The following NR2F1-AS1 variants were observed in gnomAD, a reference collection of about 807,000 sequenced individuals.
NR2F1-AS1 encodes the protein NR2F1 antisense RNA 1.
intron 4 of NR2F1-AS1, among the ~76,000 whole-genome samples, chr5:93,412,426 C>A (rs1376975952): frequency 2.6e-5 from 4 of 152,182 alleles, no homozygotes; most frequent in Admixed American, 1.3e-4. Context: ...ACTACTGTAA[C>A]CTTCAACCCA....
At chr5:93,578,414 TA>T (rs1366917365) in intron 1 of NR2F1-AS1, among the ~76,000 whole-genome samples, 3 of 151,646 alleles carry the variant, frequency 2.0e-5, no homozygotes, top group East Asian at 3.9e-4. Flanking sequence ...GGAACTACAC[TA>T]AAGATCTAGT....
intron 2 of NR2F1-AS1, among the ~76,000 whole-genome samples, chr5:93,555,671 T>C (rs77540598): frequency 0.021 from 3,180 of 152,296 alleles, 56 homozygotes; most frequent in Non-Finnish European, 0.032. Flanking sequence ...CTTGACCTAA[T>C]GGTATATGGA....
chr5:93,544,575 A>G (rs190047971), intron 4 of NR2F1-AS1, among the ~76,000 whole-genome samples: 4 of 152,318 alleles, frequency 2.6e-5, no homozygotes, highest in Non-Finnish European at 5.9e-5. Flanking sequence ...TAAAGTCTTA[A>G]TCTTAAATAT....
intron 2 of NR2F1-AS1, among the ~76,000 whole-genome samples, chr5:93,561,258 C>CA (rs1460470797): frequency 7.7e-5 from 11 of 143,054 alleles, no homozygotes; most frequent in Admixed American, 1.4e-4. Context: ...ACTCCATCTC[C>CA]AAAAAAAAAA....
intron 4 of NR2F1-AS1, chr5:93,542,284 T>A (rs1230711021): frequency 6.6e-6 from 1 of 151,990 alleles, no homozygotes; most frequent in African/African-American, 2.4e-5. Flanking sequence ...GACCTAAAAA[T>A]TTTTAAATTA....
intron 4 of NR2F1-AS1, among the ~76,000 whole-genome samples, chr5:93,511,294 C>G (rs1339951044): frequency 6.6e-6 from 1 of 152,116 alleles, no homozygotes; most frequent in African/African-American, 2.4e-5. Flanking sequence ...TGCTTCCTGC[C>G]TGCCTGTTTG....
At chr5:93,520,935 T>A (rs1203321791) in intron 4 of NR2F1-AS1, among the ~76,000 whole-genome samples, 1 of 151,144 alleles carries the variant, frequency 6.6e-6, no homozygotes, top group African/African-American at 2.4e-5. Context: ...GATGAGATAA[T>A]ACTTACATTT....
At chr5:93,488,561 C>T (rs1182883016) in intron 4 of NR2F1-AS1, among the ~76,000 whole-genome samples, 1 of 152,140 alleles carries the variant, frequency 6.6e-6, no homozygotes, top group Non-Finnish European at 1.5e-5. Context: ...CCATCTCACG[C>T]CAGTTAGAAT....
intron 4 of NR2F1-AS1, among the ~76,000 whole-genome samples, chr5:93,417,725 C>G (rs1376175902): frequency 6.6e-6 from 1 of 152,224 alleles, no homozygotes; most frequent in Non-Finnish European, 1.5e-5. Context: ...CTTCGCTACT[C>G]ATGCTGCACT....
At chr5:93,479,985 T>A (rs573385662) in intron 4 of NR2F1-AS1, among the ~76,000 whole-genome samples, 1 of 152,008 alleles carries the variant, frequency 6.6e-6, no homozygotes, top group Non-Finnish European at 1.5e-5. Context: ...CCCAGTCTTA[T>A]GAACAGACAA....
intron 4 of NR2F1-AS1, among the ~76,000 whole-genome samples, chr5:93,451,132 T>C (rs918655969): frequency 6.6e-5 from 10 of 152,002 alleles, no homozygotes; most frequent in African/African-American, 2.2e-4. Context: ...CTAGTTAACA[T>C]TTTCAGGAAA....
chr5:93,479,306 C>T (rs575172700), intron 4 of NR2F1-AS1, among the ~76,000 whole-genome samples: 27 of 152,228 alleles, frequency 1.8e-4, no homozygotes, highest in African/African-American at 5.1e-4. Flanking sequence ...GATGGGCTGA[C>T]GCAGCTTCCC....
At chr5:93,476,831 GA>G (rs963973087) in intron 4 of NR2F1-AS1, among the ~76,000 whole-genome samples, 176 of 147,274 alleles carry the variant, frequency 1.2e-3, no homozygotes, top group Middle Eastern at 3.4e-3. Context: ...TTTTGAATTG[GA>G]AAAAAAAAAT....
intron 4 of NR2F1-AS1, among the ~76,000 whole-genome samples, chr5:93,474,449 T>G (rs1750437656): frequency 6.6e-6 from 1 of 152,164 alleles, no homozygotes; most frequent in Non-Finnish European, 1.5e-5. Context: ...AATGTCTTAG[T>G]CCATTCAGGC....
chr5:93,581,310 G>A (rs1427721528), upstream of NR2F1-AS1: 2 of 152,284 alleles, frequency 1.3e-5, no homozygotes, highest in East Asian at 3.9e-4. Flanking sequence ...CACTCCGCGC[G>A]GCTCCGCGCC....
intron 2 of NR2F1-AS1, among the ~76,000 whole-genome samples, chr5:93,560,472 T>C (rs1306235362): frequency 1.3e-5 from 2 of 152,226 alleles, no homozygotes; most frequent in South Asian, 2.1e-4. Flanking sequence ...TCGTTGACAT[T>C]AGTTGGTATG....
At chr5:93,566,166 A>G (rs144589061) in intron 1 of NR2F1-AS1, among the ~76,000 whole-genome samples, 292 of 152,132 alleles carry the variant, frequency 1.9e-3, no homozygotes, top group African/African-American at 6.9e-3. Flanking sequence ...TTCCAACAAG[A>G]AAGTACAGGT....
intron 4 of NR2F1-AS1, among the ~76,000 whole-genome samples, chr5:93,461,100 T>C (rs535689529): frequency 6.6e-6 from 1 of 152,280 alleles, no homozygotes; most frequent in South Asian, 2.1e-4. Context: ...CCATCAATGA[T>C]AGACTGGATA....
chr5:93,584,960 C>T (rs1434211779), upstream of NR2F1-AS1: 6 of 691,504 alleles, frequency 8.7e-6, no homozygotes, highest in Non-Finnish European at 1.1e-5. Flanking sequence ...CCCAGCGCGC[C>T]CGCGCGCCCC....
Sources: allele counts gnomAD v4.1 joint callset (sites outside exome capture counted in the v4.1 genomes callset), GRCh38; gene constraint gnomAD v4.1.1; transcripts MANE v1.5; gene names NCBI Gene and HGNC (gene_info 2026-07-23, HGNC 2026-07-21).